HDAC9: variants seen among roughly 807,000 people sequenced by gnomAD.
The protein encoded by HDAC9 is MEF-2 interacting transcription repressor (MITR) protein.
A neutral mutation model predicts 139.4 loss-of-function variants in HDAC9; 41 were observed. The observed-to-expected ratio is 0.29, with a 90% CI of 0.23 to 0.38. The LOEUF (loss-of-function observed/expected upper bound fraction) is 0.38, where lower values mean the gene tolerates loss of function less well. Ranked by LOEUF, HDAC9 falls within the 10% of genes least tolerant of loss-of-function variation. The pLI is 1.00. For synonymous variants in HDAC9, 517 were observed against 476.2 expected (o/e 1.09, Z -1.12); for missense variants, 1,147 against 1,297.0 (o/e 0.88, Z 1.78).
intron 19 of HDAC9, among the ~76,000 whole-genome samples, chr7:18,834,392 C>T (rs879563330): frequency 3.4e-5 from 5 of 145,014 alleles, no homozygotes; most frequent in Non-Finnish European, 6.0e-5. Context: ...TTTTTTTTTA[C>T]ACTTGAGGTC....
At chr7:18,327,524 A>C (rs1254378506) in intron 1 of HDAC9, 1 of 151,928 alleles carries the variant, frequency 6.6e-6, no homozygotes, top group Non-Finnish European at 1.5e-5. Flanking sequence ...ACGGTTACAC[A>C]ACAGAACATG....
chr7:18,733,138 CAT>C lies in HDAC9; in HGVS notation c.1909+5382_1909+5383del, dbSNP rs751093901. Among the ~76,000 whole-genome samples the C allele has an allele frequency of 6.3e-5, 9 of 142,642 alleles. No individual in the cohort carries two copies. In the East Asian group the frequency reaches 8.3e-4, roughly 13 times the overall value. The allele number at this position is 142,642 out of a possible 152,430, so 93.6% of individuals were successfully genotyped here. A position where few individuals can be genotyped will look rare whatever the true frequency, so the allele number is the denominator to read the frequency against. On this transcript the variant is annotated intron_variant, in intron 13 of 25. Coordinates refer to ENST00000686413, the MANE Select transcript of HDAC9 (RefSeq NM_178425.4). ...ATGTGTATACATGTATATATATACACATGTATACACATATATACACGTGTATA... is the reference window on the plus strand; with the variant it reads ...ATGTGTATACATGTATATATATACACGTATACACATATATACACGTGTATA...
rs147957121 is a variant in HDAC9 at position 18,996,719 on chromosome 7, CTGTT to C, written c.*661_*664del. ...CCAAATGCCAAAGGAACCTCACACA[CTGTT>C]TGTAATGGTGCAATATTTTATATCA... On this transcript the variant is annotated 3_prime_UTR_variant, in exon 26 of 26. Coordinates refer to ENST00000686413, the MANE Select transcript of HDAC9 (RefSeq NM_178425.4). The C allele has an allele frequency of 6.6e-6, 1 of 152,170 alleles. No homozygotes were observed. The highest frequency in any genetic ancestry group is 1.5e-5 in the Non-Finnish European group (1 of 68,054). 9.4% of individuals were successfully genotyped at this position (152,170 alleles called of 1,614,324 possible). A position where few individuals can be genotyped will look rare whatever the true frequency, so the allele number is the denominator to read the frequency against.
intron 13 of HDAC9, among the ~76,000 whole-genome samples, chr7:18,743,244 C>G (rs938528068): frequency 3.3e-5 from 5 of 152,116 alleles, no homozygotes; most frequent in Non-Finnish European, 7.4e-5. Context: ...ATTCCTAGGC[C>G]TTAACAGACA....
intron 11 of HDAC9, among the ~76,000 whole-genome samples, chr7:18,660,192 G>C (rs1792674835): frequency 6.6e-6 from 1 of 152,122 alleles, no homozygotes; most frequent in Admixed American, 6.6e-5. Flanking sequence ...GAAGTTAATT[G>C]AAAATTTTTC....
intron 14 of HDAC9, among the ~76,000 whole-genome samples, chr7:18,757,783 C>T (rs538553229): frequency 2.6e-5 from 4 of 152,140 alleles, no homozygotes; most frequent in African/African-American, 9.6e-5. Flanking sequence ...TATCCTGTCA[C>T]AGTATGACTT....
chr7:18,754,368 A>T (rs1405412742), intron 14 of HDAC9, among the ~76,000 whole-genome samples: 1 of 151,168 alleles, frequency 6.6e-6, no homozygotes, highest in South Asian at 2.1e-4. Context: ...TCTGTGGTCA[A>T]AAAAAATTGT....
At chr7:18,346,650 C>T (rs947182547) in intron 1 of HDAC9, among the ~76,000 whole-genome samples, 2 of 152,104 alleles carry the variant, frequency 1.3e-5, no homozygotes, top group Non-Finnish European at 2.9e-5. Context: ...CTCTCAGAAT[C>T]TTCTCCTTCC....
At chr7:18,278,662 T>C (rs1796903472) in intron 2 of HDAC9, among the ~76,000 whole-genome samples, 1 of 152,194 alleles carries the variant, frequency 6.6e-6, no homozygotes, top group African/African-American at 2.4e-5. Flanking sequence ...TTCTATATGA[T>C]GCAGTTATTT....
intron 8 of HDAC9, among the ~76,000 whole-genome samples, chr7:18,638,890 A>C (rs1183992469): frequency 1.3e-5 from 2 of 152,050 alleles, no homozygotes; most frequent in East Asian, 3.9e-4. Flanking sequence ...TTCCAACTCC[A>C]GTCAAGGATG....
At chr7:18,573,408 A>C (rs1824938645) in intron 2 of HDAC9, among the ~76,000 whole-genome samples, 1 of 152,236 alleles carries the variant, frequency 6.6e-6, no homozygotes, top group Non-Finnish European at 1.5e-5. Flanking sequence ...AACTGAGGCT[A>C]TGTTGTTTGT....
chr7:18,565,827 A>G (rs1822149929), intron 2 of HDAC9, among the ~76,000 whole-genome samples: 1 of 152,080 alleles, frequency 6.6e-6, no homozygotes, highest in South Asian at 2.1e-4. Context: ...AAAGTATTCT[A>G]AGATATTTAT....
At chr7:18,487,206 G>A (rs1189836939) in intron 1 of HDAC9, among the ~76,000 whole-genome samples, 2 of 151,942 alleles carry the variant, frequency 1.3e-5, no homozygotes, top group African/African-American at 4.8e-5. Flanking sequence ...ATATCTACCA[G>A]GCAAATGTGA....
intron 12 of HDAC9, among the ~76,000 whole-genome samples, chr7:18,718,689 A>T (rs1562879428): frequency 6.6e-6 from 1 of 152,066 alleles, no homozygotes; most frequent in Non-Finnish European, 1.5e-5. Context: ...GGACATTTGG[A>T]TTGTTTGTAC....
intron 17 of HDAC9, among the ~76,000 whole-genome samples, chr7:18,818,911 A>T (rs77061891): frequency 0.013 from 2,039 of 152,296 alleles, 51 homozygotes; most frequent in African/African-American, 0.047. Context: ...TAAAATGATC[A>T]TATTAATTTG....
chr7:18,610,187 G>A (rs935910896), intron 6 of HDAC9, among the ~76,000 whole-genome samples: 1 of 152,168 alleles, frequency 6.6e-6, no homozygotes, highest in Non-Finnish European at 1.5e-5. Flanking sequence ...TTAAGAACTC[G>A]TTAATTTTTA....
intron 2 of HDAC9, among the ~76,000 whole-genome samples, chr7:18,189,097 T>C (rs1249131200): frequency 6.6e-6 from 1 of 152,116 alleles, no homozygotes; most frequent in Non-Finnish European, 1.5e-5. Context: ...CCAACCCAAA[T>C]GCCCATCAAT....
chr7:18,121,440 A>G (rs1411242886), intron 1 of HDAC9, among the ~76,000 whole-genome samples: 1 of 151,702 alleles, frequency 6.6e-6, no homozygotes, highest in Non-Finnish European at 1.5e-5. Flanking sequence ...CACCTCAGTA[A>G]TTTACTGGGT....
chr7:18,205,096 A>G (rs188730780), intron 2 of HDAC9, among the ~76,000 whole-genome samples: 26 of 152,058 alleles, frequency 1.7e-4, no homozygotes, highest in Admixed American at 6.5e-4. Flanking sequence ...AGTATATGGC[A>G]TACATTTTGA....
Sources: gnomAD v4.1 joint callset for allele counts (sites outside exome capture counted in the v4.1 genomes callset) on GRCh38, gnomAD v4.1.1 for gene constraint, MANE v1.5 for transcripts, NCBI Gene and HGNC (gene_info 2026-07-23, HGNC 2026-07-21) for gene names.